BCL11A: variants seen among roughly 807,000 people sequenced by gnomAD.
BCL11A encodes BCL11 transcription factor A.
Under a neutral mutation model 55.9 loss-of-function variants are expected in BCL11A, and 2 were observed. The observed-to-expected ratio is 0.04, with a 90% CI of 0.01 to 0.11. The LOEUF (loss-of-function observed/expected upper bound fraction) is 0.11. Ranked by LOEUF, BCL11A falls within the 10% of genes least tolerant of loss-of-function variation. The pLI is 1.00. For synonymous variants in BCL11A, 465 were observed against 473.4 expected (o/e 0.98, Z 0.23); for missense variants, 817 against 1,137.1 (o/e 0.72, Z 4.05).
chr2:60,544,947 T>A (rs1323325001), intron 2 of BCL11A: 1 of 152,236 alleles, frequency 6.6e-6, no homozygotes, highest in Admixed American at 6.5e-5. Context: ...TCCTTTTCCC[T>A]TGAGCTGCCG....
chr2:60,460,265 CTGTTTGTT>C lies in BCL11A; in HGVS notation c.*131_*138del, dbSNP rs201706698. The C allele has an allele frequency of 3.4e-5, 49 of 1,423,672 alleles. No homozygotes were observed. In the East Asian group the frequency reaches 9.2e-4, roughly 27 times the overall value. 88.2% of individuals were successfully genotyped at this position (1,423,672 alleles called of 1,614,324 possible). On this transcript the variant is annotated 3_prime_UTR_variant, in exon 4 of 4. Coordinates refer to ENST00000642384, the MANE Select transcript of BCL11A (RefSeq NM_022893.4). ...TCTCATATTCTTAGCTTCGTTACTT[CTGTTTGTT>C]TGTTTGTTTGTTTAAATCACATGGG...
At chr2:60,505,029 T>A (rs893396100) in intron 2 of BCL11A, among the ~76,000 whole-genome samples, 6 of 152,156 alleles carry the variant, frequency 3.9e-5, no homozygotes, top group African/African-American at 1.4e-4. Flanking sequence ...TGCGGCTGCA[T>A]GAGACCAGAC....
chr2:60,488,206 A>C (rs1345026967), intron 2 of BCL11A, among the ~76,000 whole-genome samples: 2 of 152,212 alleles, frequency 1.3e-5, no homozygotes, highest in Non-Finnish European at 2.9e-5. Flanking sequence ...GAATCTGACT[A>C]TTTCATCAAA....
At chr2:60,481,215 G>A (rs777264007) in intron 2 of BCL11A, among the ~76,000 whole-genome samples, 3 of 152,030 alleles carry the variant, frequency 2.0e-5, no homozygotes, top group Admixed American at 6.5e-5. Context: ...CCTGGAATGG[G>A]ATATCCCCTC....
chr2:60,531,709 C>T (rs1174318219), intron 2 of BCL11A, among the ~76,000 whole-genome samples: 2 of 152,140 alleles, frequency 1.3e-5, no homozygotes, highest in East Asian at 3.9e-4. Context: ...TGTGCAGACA[C>T]CACCAGGAGA....
rs745973708 is a variant in BCL11A, at chr2:60,546,681, A to AG, written c.56-382dup. Reference sequence around the variant, plus strand: ...AAAGAAAGCTTAAATAATAACTACAAGAAAAACTGGTTAAAAAAAAAAGTG... The same window carrying AG: ...AAAGAAAGCTTAAATAATAACTACAAGGAAAAACTGGTTAAAAAAAAAAGTG... On this transcript the variant is annotated intron_variant, in intron 1 of 3. Coordinates refer to ENST00000642384, the MANE Select transcript of BCL11A (RefSeq NM_022893.4). The surrounding 1 kb of genome is among the most constrained non-coding windows in gnomAD (Gnocchi z 4.1). Among the ~76,000 whole-genome samples the AG allele has an allele frequency of 1.3e-5, 2 of 152,200 alleles. No individual in the cohort carries two copies. The highest frequency in any genetic ancestry group is 4.8e-5 in the African/African-American group (2 of 41,440).
At chr2:60,522,150 G>A (rs923536408) in intron 2 of BCL11A, 1 of 152,350 alleles carries the variant, frequency 6.6e-6, no homozygotes, top group African/African-American at 2.4e-5. Context: ...AAAGTAGAGA[G>A]AATGTTATAA....
rs367998842 is a variant in BCL11A, at chr2:60,553,540, GGA to G, written c.-272_-271del. The G allele has an allele frequency of 2.9e-3, 1,025 of 348,156 alleles. No individual in the cohort carries two copies. The highest frequency in any genetic ancestry group is 7.3e-3 in the South Asian group (133 of 18,232). The allele number at this position is 348,156 out of a possible 1,614,324, so 21.6% of individuals were successfully genotyped here. On this transcript the variant is annotated 5_prime_UTR_variant, in exon 1 of 4. Coordinates refer to ENST00000642384, the MANE Select transcript of BCL11A (RefSeq NM_022893.4). ...GGAGAGAGAGAGAAGAGAGATAGAG[GGA>G]GAGAGAGAGAGAGAGATGAAAAAAA...
At chr2:60,513,680 T>C (rs1467632663) in intron 2 of BCL11A, among the ~76,000 whole-genome samples, 2 of 152,100 alleles carry the variant, frequency 1.3e-5, no homozygotes, top group Admixed American at 6.5e-5. Flanking sequence ...CACGGACTCA[T>C]CCCTGATCAG....
intron 2 of BCL11A, among the ~76,000 whole-genome samples, chr2:60,488,001 C>A (rs1240420797): frequency 6.6e-6 from 1 of 152,164 alleles, no homozygotes; most frequent in African/African-American, 2.4e-5. Flanking sequence ...CCTGGGGAAG[C>A]AATATATGAA....
In BCL11A at chr2:60,458,284, T is replaced by G; in HGVS notation, c.*2120A>C. 1 of 1,027,354 alleles carries G rather than the reference T, an allele frequency of 9.7e-7. No homozygotes were observed. 63.6% of individuals were successfully genotyped at this position (1,027,354 alleles called of 1,614,324 possible). A position where few individuals can be genotyped will look rare whatever the true frequency, so the allele number is the denominator to read the frequency against. ...CTTTCCCCAATGTATGTTTTTTTTT[T>G]TTACAACCTGAAGAGCGGTGTGTAT... On this transcript the variant is annotated 3_prime_UTR_variant, in exon 4 of 4. Transcript: ENST00000642384.
intron 2 of BCL11A, among the ~76,000 whole-genome samples, chr2:60,511,268 G>A (rs1332643309): frequency 1.3e-5 from 2 of 152,256 alleles, no homozygotes; most frequent in Non-Finnish European, 2.9e-5. Flanking sequence ...GAGAGCCCGG[G>A]ATGCAGCCAG....
intron 2 of BCL11A, among the ~76,000 whole-genome samples, chr2:60,493,651 A>G (rs1170545357): frequency 6.6e-6 from 1 of 152,168 alleles, no homozygotes; most frequent in East Asian, 1.9e-4. Context: ...AAGAGCCCCC[A>G]CTAGCTCAGA....
intron 2 of BCL11A, among the ~76,000 whole-genome samples, chr2:60,514,294 G>T (rs1261450100): frequency 6.6e-6 from 1 of 152,152 alleles, no homozygotes; most frequent in African/African-American, 2.4e-5. Context: ...TCGCAGTGCT[G>T]AGCCATGAGC....
chr2:60,546,066 T>A lies in BCL11A; in HGVS notation c.290A>T (p.Asn97Ile), dbSNP rs746171070. Reference sequence around the variant, plus strand: ...GACCTGGATGCCAACCTCCACGGGATTGGATGCTTTTTTCATCTCGATTGG... The same window carrying A: ...GACCTGGATGCCAACCTCCACGGGAATGGATGCTTTTTTCATCTCGATTGG... ...PSPIEMKKAS[N>I]PVEVGIQVTP... The change falls in exon 2 of 4, where the codon AAT (asparagine) becomes ATT (isoleucine). Residue 97 changes from asparagine to isoleucine, a missense_variant. Asn to Ile is a moderately radical substitution (Grantham distance 149). This residue lies in a region of BCL11A where 363 missense variants were observed against 486.6 expected (regional missense o/e 0.75). Transcript: ENST00000642384. The surrounding 1 kb of genome is among the most constrained non-coding windows in gnomAD (Gnocchi z 4.1). The A allele has an allele frequency of 6.2e-7, 1 of 1,614,126 alleles. No individual in the cohort carries two copies. The highest frequency in any genetic ancestry group is 1.1e-5 in the South Asian group (1 of 91,090).
intron 2 of BCL11A, among the ~76,000 whole-genome samples, chr2:60,470,920 G>T (rs968031259): frequency 1.3e-5 from 2 of 152,172 alleles, no homozygotes; most frequent in African/African-American, 4.8e-5. Flanking sequence ...CTTGCCCATG[G>T]CTACACTGAT....
At position 60,553,482 on chromosome 2, in the gene BCL11A, CAAAAAAAAAAAAA is replaced by C. The variant is rs756699731; in HGVS notation, c.-225_-213del. 33 of 35,182 alleles carry C rather than the reference CAAAAAAAAAAAAA, an allele frequency of 9.4e-4. 1 individual carries two copies. The highest frequency in any genetic ancestry group is 3.1e-3 in the Admixed American group (5 of 1,596). 2.2% of individuals were successfully genotyped at this position (35,182 alleles called of 1,614,324 possible). A position where few individuals can be genotyped will look rare whatever the true frequency, so the allele number is the denominator to read the frequency against. ...AGAGCCGTCATGGCTTTTTTTTAAGCAAAAAAAAAAAAAAAAAAAAAAAAAAAAAGAGGGAGAG... is the reference window on the plus strand; with the variant it reads ...AGAGCCGTCATGGCTTTTTTTTAAGCAAAAAAAAAAAAAAAAGAGGGAGAG... On this transcript the variant is annotated 5_prime_UTR_variant, in exon 1 of 4. Coordinates refer to ENST00000642384, the MANE Select transcript of BCL11A (RefSeq NM_022893.4).
chr2:60,460,253 G>A lies in BCL11A; in HGVS notation c.*151C>T. The A allele has an allele frequency of 7.1e-7, 1 of 1,408,084 alleles. No individual in the cohort carries two copies. Among genetic ancestry groups the A allele is most frequent in the Non-Finnish European group, 9.2e-7 (1 of 1,082,922 alleles). The allele number at this position is 1,408,084 out of a possible 1,614,324, so 87.2% of individuals were successfully genotyped here. A position where few individuals can be genotyped will look rare whatever the true frequency, so the allele number is the denominator to read the frequency against. The stretch of plus-strand genomic sequence containing the variant: ...GGTGACAAGCACTCTCATATTCTTA[G>A]CTTCGTTACTTCTGTTTGTTTGTTT... On this transcript the variant is annotated 3_prime_UTR_variant, in exon 4 of 4. Coordinates refer to ENST00000642384, the MANE Select transcript of BCL11A (RefSeq NM_022893.4).
intron 2 of BCL11A, among the ~76,000 whole-genome samples, chr2:60,490,194 A>G (rs1286088505): frequency 2.6e-5 from 4 of 152,222 alleles, no homozygotes; most frequent in African/African-American, 4.8e-5. Context: ...TCTAGAACAT[A>G]TAAGTCAACA....
Sources: allele counts gnomAD v4.1 joint callset (sites outside exome capture counted in the v4.1 genomes callset), GRCh38; gene constraint gnomAD v4.1.1; regional missense constraint gnomAD v4.1.1; non-coding constraint Gnocchi (gnomAD v3.1); transcripts MANE v1.5; gene names NCBI Gene and HGNC (gene_info 2026-07-23, HGNC 2026-07-21).